Variants in RARB observed in about 807,000 individuals in gnomAD.
RARB encodes the protein HBV-activated protein.
RARB carries 17 observed loss-of-function variants against 51.9 expected under a neutral mutation model. The ratio of observed to expected loss-of-function variants is 0.33; its 90% CI spans 0.22 to 0.49. The LOEUF (loss-of-function observed/expected upper bound fraction) is 0.49, where lower values mean the gene tolerates loss of function less well. Ranked by LOEUF, RARB falls within the 20% of genes least tolerant of loss-of-function variation. The pLI, the probability that RARB is intolerant of heterozygous loss-of-function variation, is 0.99. For missense variants in RARB, 369 were observed against 550.8 expected (o/e 0.67, Z 3.30); for synonymous variants, 215 against 195.4 (o/e 1.10, Z -0.84).
intron 5 of RARB, among the ~76,000 whole-genome samples, chr3:25,412,634 T>C (rs748994195): frequency 2.6e-5 from 4 of 152,214 alleles, no homozygotes; most frequent in Non-Finnish European, 5.9e-5. Context: ...AATAAAACAT[T>C]TATAGAAAGG....
intron 5 of RARB, among the ~76,000 whole-genome samples, chr3:25,263,954 G>A (rs1409094456): frequency 6.6e-6 from 1 of 152,130 alleles, no homozygotes; most frequent in Non-Finnish European, 1.5e-5. Context: ...GCTCTAGAAT[G>A]TAATAGAAGC....
intron 2 of RARB, among the ~76,000 whole-genome samples, chr3:25,042,698 T>C (rs918426508): frequency 2.0e-5 from 3 of 152,224 alleles, no homozygotes; most frequent in Non-Finnish European, 2.9e-5. Flanking sequence ...ATCCACTGTG[T>C]AGTTATTGAA....
chr3:25,435,364 C>G (rs1559400392), intron 1 of RARB, among the ~76,000 whole-genome samples: 1 of 152,268 alleles, frequency 6.6e-6, no homozygotes, highest in East Asian at 1.9e-4. Flanking sequence ...TTTCCCATTT[C>G]CAGAGCAAAT....
chr3:24,881,384 G>A (rs753521536), intron 2 of RARB, among the ~76,000 whole-genome samples: 1 of 152,102 alleles, frequency 6.6e-6, no homozygotes, highest in Non-Finnish European at 1.5e-5. Flanking sequence ...ATTAGCCTGG[G>A]GAGTCCAAGA....
At chr3:25,249,185 C>T (rs1204743887) in intron 5 of RARB, among the ~76,000 whole-genome samples, 3 of 151,696 alleles carry the variant, frequency 2.0e-5, no homozygotes, top group African/African-American at 4.8e-5. Flanking sequence ...CTTCAAGTTC[C>T]GAAATTCTTT....
chr3:25,582,870 C>T (rs1701235292), intron 5 of RARB, among the ~76,000 whole-genome samples: 1 of 152,272 alleles, frequency 6.6e-6, no homozygotes, highest in East Asian at 1.9e-4. Context: ...TGCAAATCAA[C>T]AAGGCATTAA....
At chr3:25,044,615 C>T (rs1450721575) in intron 2 of RARB, among the ~76,000 whole-genome samples, 1 of 152,164 alleles carries the variant, frequency 6.6e-6, no homozygotes, top group African/African-American at 2.4e-5. Context: ...ATAATAAATA[C>T]TTGAAATATT....
intron 1 of RARB, among the ~76,000 whole-genome samples, chr3:24,842,163 A>G (rs1289207208): frequency 6.6e-6 from 1 of 152,214 alleles, no homozygotes; most frequent in Non-Finnish European, 1.5e-5. Flanking sequence ...AGTTATGGAA[A>G]TAAGCAAGTG....
chr3:25,305,346 G>A (rs1704130099), intron 5 of RARB, among the ~76,000 whole-genome samples: 1 of 152,056 alleles, frequency 6.6e-6, no homozygotes, highest in African/African-American at 2.4e-5. Context: ...ATGCCCCAGA[G>A]CCAAGATGGA....
chr3:25,192,525 T>G (rs1701128150), intron 5 of RARB, among the ~76,000 whole-genome samples: 1 of 152,104 alleles, frequency 6.6e-6, no homozygotes, highest in Non-Finnish European at 1.5e-5. Context: ...ATTTATTAAT[T>G]TAACATTTAG....
At chr3:24,843,899 G>T (rs1702451487) in intron 1 of RARB, among the ~76,000 whole-genome samples, 2 of 111,102 alleles carry the variant, frequency 1.8e-5, no homozygotes, top group South Asian at 6.5e-4. Context: ...TGATTTGAGG[G>T]TACACACACA....
intron 5 of RARB, among the ~76,000 whole-genome samples, chr3:25,245,262 G>T (rs1016317424): frequency 1.3e-5 from 2 of 152,032 alleles, no homozygotes; most frequent in Admixed American, 1.3e-4. Context: ...TATCCAATTT[G>T]CCAATTTGTG....
At chr3:24,895,887 G>A (rs1703468710) in intron 2 of RARB, among the ~76,000 whole-genome samples, 1 of 152,104 alleles carries the variant, frequency 6.6e-6, no homozygotes, top group Non-Finnish European at 1.5e-5. Context: ...ATTGAAAGCA[G>A]GGATTCAAAC....
chr3:25,191,170 T>C (rs186348642), intron 5 of RARB, among the ~76,000 whole-genome samples: 1 of 152,160 alleles, frequency 6.6e-6, no homozygotes, highest in African/African-American at 2.4e-5. Context: ...AGGGGAAAGT[T>C]TTCAAAACCC....
At chr3:24,980,242 T>A (rs76100747) in intron 2 of RARB, among the ~76,000 whole-genome samples, 5 of 152,158 alleles carry the variant, frequency 3.3e-5, no homozygotes, top group Admixed American at 6.5e-5. Flanking sequence ...CTGACAATTA[T>A]GTGTCTTCGG....
At chr3:25,188,010 A>G (rs1224915825) in intron 5 of RARB, among the ~76,000 whole-genome samples, 1 of 152,142 alleles carries the variant, frequency 6.6e-6, no homozygotes, top group African/African-American at 2.4e-5. Flanking sequence ...CGATGGAGAA[A>G]TGAATGTATT....
chr3:25,149,513 G>A (rs1700248082), intron 4 of RARB, among the ~76,000 whole-genome samples: 1 of 152,302 alleles, frequency 6.6e-6, no homozygotes. Context: ...TGCCAAAGCT[G>A]CATGGGAAAA....
chr3:25,490,660 G>A (rs181541103), intron 2 of RARB, among the ~76,000 whole-genome samples: 467 of 152,138 alleles, frequency 3.1e-3, no homozygotes, highest in Non-Finnish European at 5.0e-3. Flanking sequence ...GCTGGGGTCC[G>A]CTAACTCCTG....
chr3:25,341,839 G>T (rs576660225), intron 5 of RARB, among the ~76,000 whole-genome samples: 1 of 152,114 alleles, frequency 6.6e-6, no homozygotes, highest in African/African-American at 2.4e-5. Flanking sequence ...CCCTGGTTTC[G>T]TTGAGCCTTG....
Sources: gnomAD v4.1 joint callset for allele counts (sites outside exome capture counted in the v4.1 genomes callset) on GRCh38, gnomAD v4.1.1 for gene constraint, MANE v1.5 for transcripts, NCBI Gene and HGNC (gene_info 2026-07-23, HGNC 2026-07-21) for gene names.